The following CNGA3 variants were observed in gnomAD, a reference collection of about 807,000 sequenced individuals.
CNGA3 encodes the protein cyclic nucleotide gated channel subunit alpha 3.
A neutral mutation model predicts 46.6 loss-of-function variants in CNGA3; 42 were observed. That is an observed-to-expected ratio of 0.90 (90% CI 0.70 to 1.17). The LOEUF (loss-of-function observed/expected upper bound fraction) is 1.17, where lower values mean the gene tolerates loss of function less well. Ranked by LOEUF, CNGA3 falls within the 50% of genes most tolerant of loss-of-function variation. The pLI is 0.00. For synonymous variants in CNGA3, 394 were observed against 369.4 expected (o/e 1.07, Z -0.76); for missense variants, 893 against 890.7 (o/e 1.00, Z -0.03).
chr2:98,385,248 G>A (rs1692625901), intron 5 of CNGA3, among the ~76,000 whole-genome samples: 1 of 152,224 alleles, frequency 6.6e-6, no homozygotes, highest in South Asian at 2.1e-4. Context: ...AAGCTTGAGG[G>A]CAGCGCCGTC....
At chr2:98,387,161 C>T (rs957031163) in intron 5 of CNGA3, among the ~76,000 whole-genome samples, 4 of 152,170 alleles carry the variant, frequency 2.6e-5, no homozygotes, top group East Asian at 1.9e-4. Context: ...TCTGAAACAG[C>T]GTTTTAAGTG....
chr2:98,378,095 G>A (rs1025997594), intron 3 of CNGA3: 1 of 1,550,936 alleles, frequency 6.4e-7, no homozygotes, highest in Non-Finnish European at 8.7e-7. Context: ...ACCGGAGAAG[G>A]TGGTAAGAGC....
Position 98,383,378 on chromosome 2 carries a change from C to T in CNGA3, c.396-10C>T, listed in dbSNP as rs1692579687. ...TTCAGACCCTTGATGTTCTCTCTAC[C>T]TTCCCGCAGCGCCTGGCCCCTGGCC... On this transcript the variant is annotated splice_polypyrimidine_tract_variant and intron_variant, in intron 4 of 7. Transcript: ENST00000272602. 1 of 1,614,074 alleles carries T rather than the reference C, an allele frequency of 6.2e-7. No homozygotes were observed. The highest frequency in any genetic ancestry group is 8.5e-7 in the Non-Finnish European group (1 of 1,179,970).
rs751611132 is a variant in CNGA3 at position 98,367,167 on chromosome 2, G to GTTTATTTTCTTTTTTTTTT, written c.-37-2769_-37-2768insATTTTCTTTTTTTTTTTTT. 1.3e-3 allele frequency among the ~76,000 whole-genome samples: 137 copies of GTTTATTTTCTTTTTTTTTT among 101,582 alleles called. 8 individuals are homozygous for GTTTATTTTCTTTTTTTTTT. The highest frequency in any genetic ancestry group is 1.7e-3 in the Non-Finnish European group (77 of 45,316). The allele number at this position is 101,582 out of a possible 152,430, so 66.6% of individuals were successfully genotyped here. A position where few individuals can be genotyped will look rare whatever the true frequency, so the allele number is the denominator to read the frequency against. ...TTGGTGAGAACCTCTGACATCAGCTGTTTTTTTTCTTTTTTTTCTTTTTTT... is the reference window on the plus strand; with the variant it reads ...TTGGTGAGAACCTCTGACATCAGCTGTTTATTTTCTTTTTTTTTTTTTTTTTTCTTTTTTTTCTTTTTTT... On this transcript the variant is annotated intron_variant, in intron 1 of 7. Coordinates refer to ENST00000272602, the MANE Select transcript of CNGA3 (RefSeq NM_001298.3).
intron 3 of CNGA3, among the ~76,000 whole-genome samples, chr2:98,379,499 C>T (rs1001018693): frequency 9.9e-5 from 15 of 152,196 alleles, no homozygotes; most frequent in East Asian, 7.8e-4. Context: ...CAGATGAGCT[C>T]TAGGGACTGG....
chr2:98,370,201 AT>A, intron 2 of CNGA3, 125 bp downstream of exon 2: 8 of 765,116 alleles, frequency 1.0e-5, no homozygotes, highest in Non-Finnish European at 1.4e-5. Context: ...CAGGGGAGGT[AT>A]TCACAGCACT....
chr2:98,349,261 GGGGGCAAAAAAAAAACCAAA>G (rs1691719865), intron 1 of CNGA3, among the ~76,000 whole-genome samples: 4 of 151,712 alleles, frequency 2.6e-5, no homozygotes, highest in Non-Finnish European at 4.4e-5. Flanking sequence ...GCCAGTAGGT[GGGGGCAAAAAAAAAACCAAA>G]TGTACAATAC....
At position 98,377,641 on chromosome 2, in the gene CNGA3, G is replaced by A. The variant is rs745369345; in HGVS notation, c.102-46G>A. On this transcript the variant is annotated intron_variant, in intron 2 of 7. Coordinates refer to ENST00000272602, the MANE Select transcript of CNGA3 (RefSeq NM_001298.3). ...CACTCCTGGCTGTGTCCAGGAGGTA[G>A]ATGGGCTTGAAATCAATTCTGCTTG... 1.1e-5 allele frequency: 17 copies of A among 1,546,500 alleles called. No individual in the cohort carries two copies. The African/African-American group carries it at 2.0e-4, about 19-fold the overall frequency.
At chr2:98,393,953 G>A (rs1234976144) in intron 7 of CNGA3, among the ~76,000 whole-genome samples, 1 of 150,972 alleles carries the variant, frequency 6.6e-6, no homozygotes, top group Non-Finnish European at 1.5e-5. Flanking sequence ...GGTGTTCTTT[G>A]TTGTGACAGC....
intron 3 of CNGA3, 161 bp downstream of exon 3, chr2:98,377,961 C>T: frequency 7.2e-7 from 1 of 1,395,310 alleles, no homozygotes; most frequent in Non-Finnish European, 9.7e-7. Flanking sequence ...TGAGTAATTT[C>T]CTCTTGGGTC....
chr2:98,361,325 C>G (rs1319332189), intron 1 of CNGA3, among the ~76,000 whole-genome samples: 2 of 152,162 alleles, frequency 1.3e-5, no homozygotes, highest in African/African-American at 2.4e-5. Context: ...ATAATGGCTT[C>G]CAGCTCCATC....
intron 1 of CNGA3, 117 bp from the exon 2 acceptor site, chr2:98,369,822 G>A (rs1692243305): frequency 1.5e-6 from 1 of 670,674 alleles, no homozygotes; most frequent in African/African-American, 1.8e-5. Context: ...GACAGCAGAG[G>A]GTGTGCCTGC....
At position 98,396,112 on chromosome 2, in the gene CNGA3, C is replaced by A. The variant is rs1472940587; in HGVS notation, c.942C>A (p.Ile314=). 6 of 1,614,094 alleles carry A rather than the reference C, an allele frequency of 3.7e-6. No homozygotes were observed. In the Admixed American group the frequency reaches 8.3e-5, roughly 22 times the overall value. The change falls in exon 8 of 8, where the codon ATC becomes ATA. Residue 314 remains isoleucine (I), a synonymous_variant. Coordinates refer to ENST00000272602, the MANE Select transcript of CNGA3 (RefSeq NM_001298.3). Reference sequence around the variant, plus strand: ...TGGTCTTGTACATTCTCATCATCATCCACTGGAATGCCTGCATCTACTTTG... The same window carrying A: ...TGGTCTTGTACATTCTCATCATCATACACTGGAATGCCTGCATCTACTTTG... ...GNLVLYILII[I]HWNACIYFAI... is the part of the protein sequence containing the mutation.
chr2:98,375,035 T>C (rs912204615), intron 2 of CNGA3, among the ~76,000 whole-genome samples: 1 of 152,216 alleles, frequency 6.6e-6, no homozygotes, highest in Non-Finnish European at 1.5e-5. Flanking sequence ...GAGCAGGGAC[T>C]CAAACCAGGA....
In CNGA3 at chr2:98,383,311, G is replaced by A. The variant is rs1020568271; in HGVS notation, c.396-77G>A. 7 of 1,365,164 alleles carry A rather than the reference G, an allele frequency of 5.1e-6. No homozygotes were observed. The Admixed American group carries it at 8.4e-5, about 16-fold the overall frequency. The allele number at this position is 1,365,164 out of a possible 1,614,324, so 84.6% of individuals were successfully genotyped here. Reference sequence around the variant, plus strand: ...GGATAGGGATTGGGGGGTGGGGCATGGTAATCCCCTGGTGAAATGGCCCCA... The same window carrying A: ...GGATAGGGATTGGGGGGTGGGGCATAGTAATCCCCTGGTGAAATGGCCCCA... On this transcript the variant is annotated intron_variant, in intron 4 of 7. Transcript: ENST00000272602.
At chr2:98,366,927 T>C (rs1175375093) in intron 1 of CNGA3, among the ~76,000 whole-genome samples, 1 of 152,154 alleles carries the variant, frequency 6.6e-6, no homozygotes, top group Non-Finnish European at 1.5e-5. Flanking sequence ...CACAGATCCA[T>C]GGAAAAAGCG....
intron 2 of CNGA3, among the ~76,000 whole-genome samples, chr2:98,375,075 CCT>C (rs1246049654): frequency 6.6e-6 from 1 of 152,272 alleles, no homozygotes; most frequent in Non-Finnish European, 1.5e-5. Flanking sequence ...GCCTCCTCCC[CCT>C]GAGTGGGCAT....
chr2:98,397,193 AAGCC>A lies in CNGA3; in HGVS notation c.2024_2027del (p.Lys675ThrfsTer65). ...AAGCCAGGTGAAGGGTGGTGGGGAC[AAGCC>A]CCTGGCTGATGGGGAAGTTCCCGGG... On this transcript the variant is annotated frameshift_variant, in exon 8 of 8. Coordinates refer to ENST00000272602, the MANE Select transcript of CNGA3 (RefSeq NM_001298.3). LOFTEE classifies it low-confidence loss of function (END_TRUNC). 6.2e-7 allele frequency: 1 copy of A among 1,614,146 alleles called. No homozygotes were observed. The highest frequency in any genetic ancestry group is 8.5e-7 in the Non-Finnish European group (1 of 1,180,038).
chr2:98,367,854 T>C (rs1292365032), intron 1 of CNGA3, among the ~76,000 whole-genome samples: 2 of 152,170 alleles, frequency 1.3e-5, no homozygotes, highest in African/African-American at 4.8e-5. Context: ...AGGGAACTCA[T>C]GTTCCCTGAA....
Sources: allele counts gnomAD v4.1 joint callset (sites outside exome capture counted in the v4.1 genomes callset), GRCh38; gene constraint gnomAD v4.1.1; transcripts MANE v1.5; gene names NCBI Gene and HGNC (gene_info 2026-07-23, HGNC 2026-07-21).